PLEKHH1: variants seen among roughly 807,000 people sequenced by gnomAD.
PLEKHH1 encodes the protein pleckstrin homology domain-containing family H member 1.
In PLEKHH1, 104 loss-of-function variants were observed where a neutral mutation model predicts 160.0. The ratio of observed to expected loss-of-function variants is 0.65; its 90% CI spans 0.55 to 0.76. PLEKHH1 has a LOEUF of 0.76. Among genes scored for constraint, PLEKHH1 ranks in the 30% least tolerant of loss-of-function variants. The pLI is 0.00. For missense variants in PLEKHH1, 1,427 were observed against 1,724.1 expected, an observed-to-expected ratio of 0.83 and a Z score of 3.05; for synonymous variants, 619 against 678.4, an observed-to-expected ratio of 0.91 and a Z score of 1.36.
rs778523080 is a variant in PLEKHH1, at chr14:67,541,855, A to G, written c.-13A>G. On this transcript the variant is annotated 5_prime_UTR_variant, in exon 2 of 29. Transcript: ENST00000329153. ...TTAGGGCTCCCCAGAATAATCCAGAAGTCGATTCCATCATGGCAGAACTCA... is the reference window on the plus strand; with the variant it reads ...TTAGGGCTCCCCAGAATAATCCAGAGGTCGATTCCATCATGGCAGAACTCA... 2 of 1,586,316 alleles carry G rather than the reference A, an allele frequency of 1.3e-6. No individual in the cohort carries two copies. The highest frequency in any genetic ancestry group is 1.2e-5 in the South Asian group (1 of 86,402).
intron 14 of PLEKHH1, 23 bp from the exon 15 acceptor site, chr14:67,575,369 G>A (rs889977710): frequency 1.4e-6 from 2 of 1,474,284 alleles, no homozygotes. Context: ...TTCTCATAAT[G>A]CCAGTTCATT....
intron 24 of PLEKHH1, among the ~76,000 whole-genome samples, chr14:67,583,096 T>C (rs1218355106): frequency 6.6e-6 from 1 of 151,978 alleles, no homozygotes; most frequent in Non-Finnish European, 1.5e-5. Context: ...ACCTACTATA[T>C]ACCCACAAAA....
Position 67,579,767 on chromosome 14 carries a change from G to A in PLEKHH1, c.3074G>A (p.Arg1025Gln), listed in dbSNP as rs771007935. The change falls in exon 22 of 29, where the codon CGG becomes CAG. Residue 1025 changes from arginine to glutamine, a missense_variant. Around this residue, in one of 6 missense-constraint regions of PLEKHH1, gnomAD observed 436 missense variants for 607.5 expected, o/e 0.72. Coordinates refer to ENST00000329153, the MANE Select transcript of PLEKHH1 (RefSeq NM_020715.3). ...TCCACGGTTGATGAGTTCCTCCAGC[G>A]GCTGAACCAGGAGATAGGCATGAGA... is the stretch of plus-strand genomic sequence containing the variant. ...GSSTVDEFLQ[R>Q]LNQEIGMRKP... 33 of 1,612,716 alleles carry A rather than the reference G, an allele frequency of 2.0e-5. No homozygotes were observed. The highest frequency in any genetic ancestry group is 4.5e-5 in the East Asian group (2 of 44,860).
At chr14:67,568,693 G>C (rs1188042191) in intron 7 of PLEKHH1, among the ~76,000 whole-genome samples, 1 of 152,180 alleles carries the variant, frequency 6.6e-6, no homozygotes, top group Non-Finnish European at 1.5e-5. Context: ...AAGAGCCCTT[G>C]TCGTGTGGCC....
chr14:67,547,908 G>C (rs1673261667), intron 2 of PLEKHH1, among the ~76,000 whole-genome samples: 1 of 152,190 alleles, frequency 6.6e-6, no homozygotes, highest in African/African-American at 2.4e-5. Flanking sequence ...GAGGAGAGTT[G>C]AGACTGTGCC....
chr14:67,561,901 C>T (rs1182563499), intron 5 of PLEKHH1, 53 bp from the exon 6 acceptor site: 7 of 1,093,564 alleles, frequency 6.4e-6, no homozygotes, highest in Non-Finnish European at 9.6e-6. Context: ...TGAAAAAATA[C>T]ATCTAAACCT....
rs1314613159 is a variant in PLEKHH1, at chr14:67,557,281, G to A, written c.202G>A (p.Glu68Lys). The change falls in exon 4 of 29, where the codon GAA becomes AAA. Residue 68 changes from glutamate (E) to lysine (K), a missense_variant. Transcript: ENST00000329153. ...TTGTACTTTTCAGGTGGGTGTCATG[G>A]AAGAGAAGGTAAAACTATCCAATCT... Reference protein sequence around the residue: ...ENAETQVGVMEEKVKLSNLKN... With the variant: ...ENAETQVGVMKEKVKLSNLKN... 6.2e-7 allele frequency: 1 copy of A among 1,613,750 alleles called. No individual in the cohort carries two copies. Among genetic ancestry groups the A allele is most frequent in the Non-Finnish European group, 8.5e-7 (1 of 1,179,684 alleles).
chr14:67,542,746 G>A (rs1188733031), intron 2 of PLEKHH1, among the ~76,000 whole-genome samples: 2 of 151,900 alleles, frequency 1.3e-5, no homozygotes, highest in Non-Finnish European at 2.9e-5. Flanking sequence ...TGTTGCCCAG[G>A]CTGGAGTGCA....
In PLEKHH1 at chr14:67,587,862, A is replaced by C. The variant is rs932349648; in HGVS notation, c.*627A>C. 2 of 154,502 alleles carry C rather than the reference A, an allele frequency of 1.3e-5. No individual in the cohort carries two copies. Among genetic ancestry groups the C allele is most frequent in the Non-Finnish European group, 2.9e-5 (2 of 69,454 alleles). 9.6% of individuals were successfully genotyped at this position (154,502 alleles called of 1,614,324 possible). On this transcript the variant is annotated 3_prime_UTR_variant, in exon 29 of 29. Transcript: ENST00000329153. Reference sequence around the variant, plus strand: ...CGCCCAGCCCAGAAGCTAATTTTTTAATATTGTATATGGTCTTATTTATAC... The same window carrying C: ...CGCCCAGCCCAGAAGCTAATTTTTTCATATTGTATATGGTCTTATTTATAC...
intron 2 of PLEKHH1, among the ~76,000 whole-genome samples, chr14:67,552,568 C>T (rs1157619642): frequency 6.6e-6 from 1 of 152,024 alleles, no homozygotes; most frequent in African/African-American, 2.4e-5. Context: ...GAGATCGAGA[C>T]CATCTTGGCT....
chr14:67,581,303 C>A (rs1180470366), intron 23 of PLEKHH1, among the ~76,000 whole-genome samples: 2 of 148,748 alleles, frequency 1.3e-5, no homozygotes, highest in East Asian at 4.0e-4. Context: ...CACACACAAA[C>A]ATCTGCCAAG....
intron 9 of PLEKHH1, 99 bp from the exon 10 acceptor site, chr14:67,571,653 G>A: frequency 7.9e-7 from 1 of 1,271,536 alleles, no homozygotes; most frequent in East Asian, 2.3e-5. Flanking sequence ...CTGGGGGTTG[G>A]CCACACCATG....
chr14:67,539,038 C>T (rs1034056237), intron 1 of PLEKHH1, among the ~76,000 whole-genome samples: 5 of 152,190 alleles, frequency 3.3e-5, no homozygotes, highest in African/African-American at 9.7e-5. Context: ...AAAGGGATTA[C>T]ATTTCCCTTG....
At chr14:67,580,659 T>C (rs1343203177) in intron 22 of PLEKHH1, among the ~76,000 whole-genome samples, 2 of 152,202 alleles carry the variant, frequency 1.3e-5, no homozygotes, top group Non-Finnish European at 2.9e-5. Flanking sequence ...TCGAAGGCCA[T>C]GGGGCTGCCT....
intron 27 of PLEKHH1, 59 bp from the exon 28 acceptor site, chr14:67,585,892 T>G: frequency 6.5e-7 from 1 of 1,549,676 alleles, no homozygotes; most frequent in South Asian, 1.2e-5. Context: ...GGGATGCTGG[T>G]TCCTAGCTCA....
At chr14:67,545,627 T>C (rs1341918260) in intron 2 of PLEKHH1, among the ~76,000 whole-genome samples, 2 of 152,224 alleles carry the variant, frequency 1.3e-5, no homozygotes, top group African/African-American at 4.8e-5. Flanking sequence ...GCAGCATTGA[T>C]GTATGAAAAT....
Position 67,579,724 on chromosome 14 carries a change from G to T in PLEKHH1, c.3031G>T (p.Val1011Phe). Residue 1011 changes from valine to phenylalanine, a missense_variant, in exon 22 of 29, where the codon GTT becomes TTT. Around this residue, in one of 6 missense-constraint regions of PLEKHH1, gnomAD observed 436 missense variants for 607.5 expected, o/e 0.72. Transcript: ENST00000329153. ...TGGAACTCTTCTCCCGCCTCAGGTG[G>T]TTGGTTTTGACGGCTCTTCCACGGT... Reference protein sequence around the residue: ...VHFTNGTYHVVGFDGSSTVDE... With the variant: ...VHFTNGTYHVFGFDGSSTVDE... The T allele has an allele frequency of 6.2e-7, 1 of 1,612,542 alleles. No homozygotes were observed. The highest frequency in any genetic ancestry group is 8.5e-7 in the Non-Finnish European group (1 of 1,179,386).
At chr14:67,550,979 A>G (rs1337879914) in intron 2 of PLEKHH1, among the ~76,000 whole-genome samples, 1 of 152,244 alleles carries the variant, frequency 6.6e-6, no homozygotes, top group Non-Finnish European at 1.5e-5. Flanking sequence ...TACAGTGCTT[A>G]TGACAGTGGC....
chr14:67,583,913 T>A (rs753247786), intron 25 of PLEKHH1, 30 bp downstream of exon 25: 1 of 1,612,048 alleles, frequency 6.2e-7, no homozygotes, highest in East Asian at 2.2e-5. Context: ...TTGCAGCAAG[T>A]CACTGTGGGG....
Sources: allele counts gnomAD v4.1 joint callset (sites outside exome capture counted in the v4.1 genomes callset), GRCh38; gene constraint gnomAD v4.1.1; regional missense constraint gnomAD v4.1.1; transcripts MANE v1.5; gene names NCBI Gene and HGNC (gene_info 2026-07-23, HGNC 2026-07-21).